The following GPT2 variants were observed in gnomAD, a reference collection of about 807,000 sequenced individuals.
The protein encoded by GPT2 is alanine aminotransferase 2.
A neutral mutation model predicts 56.9 loss-of-function variants in GPT2; 30 were observed. That is an observed-to-expected ratio of 0.53 (90% CI 0.39 to 0.72). The LOEUF (loss-of-function observed/expected upper bound fraction) is 0.72. Among genes scored for constraint, GPT2 ranks in the 30% least tolerant of loss-of-function variants. The pLI, the probability that GPT2 is intolerant of heterozygous loss-of-function variation, is 0.00. For synonymous variants in GPT2, 271 were observed against 283.1 expected, an observed-to-expected ratio of 0.96 and a Z score of 0.43; for missense variants, 542 against 703.4, an observed-to-expected ratio of 0.77 and a Z score of 2.60.
At chr16:46,925,612 T>C (rs759006756) in intron 10 of GPT2, among the ~76,000 whole-genome samples, 1 of 152,012 alleles carries the variant, frequency 6.6e-6, no homozygotes, top group Non-Finnish European at 1.5e-5. Context: ...GGGAGGATCA[T>C]TTGAGCCCAG....
intron 10 of GPT2, 89 bp downstream of exon 10, chr16:46,924,633 G>GA: frequency 7.1e-7 from 1 of 1,407,948 alleles, no homozygotes; most frequent in Non-Finnish European, 9.9e-7. Context: ...GGGAGCAGAA[G>GA]TGCTGGCCCT....
intron 9 of GPT2, chr16:46,924,091 C>T (rs1961350083): frequency 2.4e-6 from 1 of 420,826 alleles, no homozygotes; most frequent in African/African-American, 2.0e-5. Flanking sequence ...ATGTGTTCCA[C>T]CCACCTCCCT....
intron 2 of GPT2, 95 bp downstream of exon 2, chr16:46,885,053 C>T: frequency 7.3e-7 from 1 of 1,364,538 alleles, no homozygotes; most frequent in Non-Finnish European, 9.5e-7. Flanking sequence ...ACGTCCACCC[C>T]CATGGCCAGC....
intron 6 of GPT2, among the ~76,000 whole-genome samples, chr16:46,911,269 C>T (rs1266431098): frequency 6.6e-6 from 1 of 152,172 alleles, no homozygotes; most frequent in Non-Finnish European, 1.5e-5. Context: ...TTCATATGCC[C>T]CCAGTGCTAT....
chr16:46,918,319 G>A (rs767187970), intron 7 of GPT2, among the ~76,000 whole-genome samples: 2 of 152,188 alleles, frequency 1.3e-5, no homozygotes, highest in Non-Finnish European at 2.9e-5. Flanking sequence ...GGGAGGATGG[G>A]GGTCTCAGCA....
chr16:46,911,075 T>C (rs557214412), intron 6 of GPT2, among the ~76,000 whole-genome samples: 2 of 152,362 alleles, frequency 1.3e-5, no homozygotes, highest in South Asian at 4.1e-4. Context: ...TGTTGGTTTT[T>C]CTTTGATACA....
chr16:46,898,015 G>A (rs1313650225), intron 3 of GPT2, among the ~76,000 whole-genome samples: 1 of 152,190 alleles, frequency 6.6e-6, no homozygotes, highest in African/African-American at 2.4e-5. Flanking sequence ...GCAGTGGTGG[G>A]GTAGGCGGCA....
intron 2 of GPT2, among the ~76,000 whole-genome samples, chr16:46,886,720 T>C (rs1044908302): frequency 6.6e-6 from 1 of 152,094 alleles, no homozygotes; most frequent in African/African-American, 2.4e-5. Context: ...GATTAGGATG[T>C]CATGGTGCGT....
rs780790419 is a variant in GPT2, at chr16:46,929,066, C to T, written c.*69C>T. 17 of 1,266,170 alleles carry T rather than the reference C, an allele frequency of 1.3e-5. No homozygotes were observed. The highest frequency in any genetic ancestry group is 2.1e-4 in the Middle Eastern group (1 of 4,814). The allele number at this position is 1,266,170 out of a possible 1,614,324, so 78.4% of individuals were successfully genotyped here. ...CCCAATGCCCGTCAGGCTGAACTCG[C>T]CTCCCCCGTGACTCTGCCTCGGGCC... On this transcript the variant is annotated 3_prime_UTR_variant, in exon 12 of 12. Coordinates refer to ENST00000340124, the MANE Select transcript of GPT2 (RefSeq NM_133443.4).
At chr16:46,900,311 A>G (rs1034353826) in intron 3 of GPT2, among the ~76,000 whole-genome samples, 1 of 152,004 alleles carries the variant, frequency 6.6e-6, no homozygotes, top group Non-Finnish European at 1.5e-5. Context: ...TTCTGCAGCC[A>G]TGCTCCACCC....
chr16:46,924,007 G>T, intron 9 of GPT2: 2 of 354,372 alleles, frequency 5.6e-6, no homozygotes, highest in East Asian at 1.5e-4. Context: ...ACTCCCTGGT[G>T]TCTGTGTGCC....
At chr16:46,886,659 A>G (rs1960490686) in intron 2 of GPT2, among the ~76,000 whole-genome samples, 1 of 152,028 alleles carries the variant, frequency 6.6e-6, no homozygotes, top group Non-Finnish European at 1.5e-5. Flanking sequence ...TAACAGAGGG[A>G]TGTGGGAGGT....
intron 4 of GPT2, among the ~76,000 whole-genome samples, chr16:46,906,499 G>A (rs1960929137): frequency 1.3e-5 from 2 of 152,182 alleles, no homozygotes; most frequent in South Asian, 4.1e-4. Flanking sequence ...ATCCGAGGAG[G>A]GTGGGTGGAA....
intron 2 of GPT2, among the ~76,000 whole-genome samples, chr16:46,893,142 G>A (rs7498704): frequency 4.6e-5 from 7 of 151,850 alleles, no homozygotes; most frequent in African/African-American, 1.7e-4. Flanking sequence ...TTTGTTTTTT[G>A]TTTTTTGAGT....
At chr16:46,928,797 C>A in intron 11 of GPT2, 110 bp from the exon 12 acceptor site, 1 of 782,698 alleles carries the variant, frequency 1.3e-6, no homozygotes, top group Non-Finnish European at 2.2e-6. Context: ...GCTGTCGAAG[C>A]AGACCAGGCA....
At chr16:46,885,332 G>A (rs2143306996) in intron 2 of GPT2, 1 of 630,230 alleles carries the variant, frequency 1.6e-6, no homozygotes, top group South Asian at 7.3e-5. Flanking sequence ...TTGGAAAAAA[G>A]TAAAACGGAA....
chr16:46,885,225 G>T, intron 2 of GPT2: 1 of 1,228,730 alleles, frequency 8.1e-7, no homozygotes, highest in Non-Finnish European at 1.0e-6. Flanking sequence ...GGCACCGCAC[G>T]TTGTGTGTCT....
At chr16:46,925,729 T>C (rs981704533) in intron 10 of GPT2, among the ~76,000 whole-genome samples, 1 of 151,806 alleles carries the variant, frequency 6.6e-6, no homozygotes, top group African/African-American at 2.4e-5. Flanking sequence ...GATGCTGAGG[T>C]GGGAGGATCG....
intron 2 of GPT2, among the ~76,000 whole-genome samples, chr16:46,896,823 C>T (rs961096977): frequency 1.3e-5 from 2 of 152,220 alleles, no homozygotes; most frequent in African/African-American, 4.8e-5. Flanking sequence ...AAGTGGGAGG[C>T]AGAGGAGGAG....
Sources: gnomAD v4.1 joint callset for allele counts (sites outside exome capture counted in the v4.1 genomes callset) on GRCh38, gnomAD v4.1.1 for gene constraint, MANE v1.5 for transcripts, NCBI Gene and HGNC (gene_info 2026-07-23, HGNC 2026-07-21) for gene names.